The following RGL1 variants were observed in gnomAD, a reference collection of about 807,000 sequenced individuals.
RGL1 encodes ral guanine nucleotide dissociation stimulator like 1.
In RGL1, 24 loss-of-function variants were observed where a neutral mutation model predicts 95.2. The ratio of observed to expected loss-of-function variants is 0.25; its 90% confidence interval spans 0.18 to 0.35. RGL1 has a LOEUF of 0.35. RGL1 is among the 10% of genes least tolerant of loss of function. The pLI is 1.00. For synonymous variants in RGL1, 329 were observed against 344.9 expected, an observed-to-expected ratio of 0.95 and a Z score of 0.51; for missense variants, 715 against 936.3, an observed-to-expected ratio of 0.76 and a Z score of 3.08.
chr1:183,715,448 A>G (rs1655555211), intron 1 of RGL1, among the ~76,000 whole-genome samples: 1 of 152,018 alleles, frequency 6.6e-6, no homozygotes, highest in Non-Finnish European at 1.5e-5. Context: ...GTCTCCCAGG[A>G]TAGTGTGCTA....
At chr1:183,684,422 C>T (rs1438289617) in intron 1 of RGL1, among the ~76,000 whole-genome samples, 1 of 152,064 alleles carries the variant, frequency 6.6e-6, no homozygotes, top group Non-Finnish European at 1.5e-5. Context: ...TAACAGGCCT[C>T]TGTGCTGCCC....
chr1:183,769,008 T>C (rs1285663088), intron 2 of RGL1, among the ~76,000 whole-genome samples: 1 of 152,236 alleles, frequency 6.6e-6, no homozygotes, highest in Non-Finnish European at 1.5e-5. Context: ...CCTAGACATC[T>C]AATGAACATC....
chr1:183,668,663 A>G (rs1309250002), intron 1 of RGL1, among the ~76,000 whole-genome samples: 7 of 151,800 alleles, frequency 4.6e-5, no homozygotes, highest in East Asian at 3.9e-4. Flanking sequence ...ATGCCTAAGC[A>G]TAGTTTTTTT....
At position 183,847,710 on chromosome 1, in the gene RGL1, A is replaced by G; in HGVS notation, c.283A>G (p.Ile95Val). ...FGDNDFTYIS[I>V]FLSTYRGFAS... is the part of the protein sequence containing the mutation. ...GGACAATGACTTTACCTATATCAGC[A>G]TCTTTCTTTCAACGTACAGAGGCTT... Residue 95 changes from isoleucine (I) to valine (V), a missense_variant, in exon 3 of 18, where the codon ATC (isoleucine) becomes GTC (valine). Ile to Val is a conservative substitution (Grantham distance 29, BLOSUM62 3). Transcript: ENST00000360851. 1.9e-6 allele frequency: 3 copies of G among 1,614,130 alleles called. No homozygotes were observed. The highest frequency in any genetic ancestry group is 2.2e-5 in the South Asian group (2 of 91,082).
rs58775038 is a variant in RGL1, at chr1:183,752,706, T to TCTCTCTCTCTCTCTCTCTCTC, written c.132+10417_132+10418insCTCTCTCTCTCTCTCTCTCTC. On this transcript the variant is annotated intron_variant, in intron 2 of 18. Transcript: ENST00000304685. ...TCTCTCTCTCTCTCTCTCTCTCTCTTTCCCCTTTCCTCTCTTTGGCCTTAA... is the reference window on the plus strand; with the variant it reads ...TCTCTCTCTCTCTCTCTCTCTCTCTTCTCTCTCTCTCTCTCTCTCTCTCCCCTTTCCTCTCTTTGGCCTTAA... 2.7e-3 allele frequency among the ~76,000 whole-genome samples: 300 copies of TCTCTCTCTCTCTCTCTCTCTC among 110,142 alleles called. 39 individuals are homozygous for TCTCTCTCTCTCTCTCTCTCTC. Among genetic ancestry groups the TCTCTCTCTCTCTCTCTCTCTC allele is most frequent in the African/African-American group, 9.0e-3 (231 of 25,808 alleles). 72.3% of individuals were successfully genotyped at this position (110,142 alleles called of 152,430 possible).
intron 14 of RGL1, among the ~76,000 whole-genome samples, chr1:183,907,613 G>C (rs865996044): frequency 2.8e-4 from 43 of 152,268 alleles, no homozygotes; most frequent in African/African-American, 9.9e-4. Context: ...TTCATGACTG[G>C]CTCCTTCAAA....
At chr1:183,891,911 TC>T (rs1382023226) in intron 8 of RGL1, among the ~76,000 whole-genome samples, 165 bp from the exon 9 acceptor site, 5 of 151,900 alleles carry the variant, frequency 3.3e-5, no homozygotes. Flanking sequence ...TAAAAAGCCA[TC>T]CCGCATAAAA....
At chr1:183,917,141 A>G (rs776207455) in intron 16 of RGL1, among the ~76,000 whole-genome samples, 9 of 152,148 alleles carry the variant, frequency 5.9e-5, no homozygotes, top group Non-Finnish European at 1.3e-4. Context: ...TACTCCCCTG[A>G]TGGCAGATTT....
chr1:183,878,221 G>A (rs544733545), intron 4 of RGL1, among the ~76,000 whole-genome samples: 7 of 150,512 alleles, frequency 4.7e-5, no homozygotes, highest in African/African-American at 1.7e-4. Flanking sequence ...TTTGGAGATA[G>A]GGTCTCGCTC....
At chr1:183,653,764 A>G (rs1408943439) in intron 1 of RGL1, among the ~76,000 whole-genome samples, 1 of 152,104 alleles carries the variant, frequency 6.6e-6, no homozygotes, top group East Asian at 1.9e-4. Context: ...GACTCTTGCT[A>G]TTGGTATGTA....
At chr1:183,817,960 T>C (rs1490170355) in intron 2 of RGL1, among the ~76,000 whole-genome samples, 1 of 152,218 alleles carries the variant, frequency 6.6e-6, no homozygotes, top group East Asian at 1.9e-4. Flanking sequence ...CGAAAGTTGA[T>C]TAAAGTGTTT....
chr1:183,839,529 G>A (rs1215471269), intron 2 of RGL1, among the ~76,000 whole-genome samples: 1 of 152,018 alleles, frequency 6.6e-6, no homozygotes, highest in Non-Finnish European at 1.5e-5. Context: ...TCCTATTATT[G>A]TACTAGTTAA....
chr1:183,748,394 CTTTTTTTTTTT>C (rs56920504), intron 2 of RGL1, among the ~76,000 whole-genome samples: 2 of 69,718 alleles, frequency 2.9e-5, no homozygotes, highest in African/African-American at 6.6e-5. Flanking sequence ...TTCTCTAGTT[CTTTTTTTTTTT>C]TTTTTTTTTT....
At chr1:183,727,617 G>A (rs1656386064) in intron 1 of RGL1, among the ~76,000 whole-genome samples, 1 of 152,038 alleles carries the variant, frequency 6.6e-6, no homozygotes, top group Non-Finnish European at 1.5e-5. Flanking sequence ...AGACGAGGAA[G>A]AAAAATAAGA....
upstream of RGL1, among the ~76,000 whole-genome samples, chr1:183,804,075 T>C (rs907324274): frequency 6.6e-6 from 1 of 152,188 alleles, no homozygotes; most frequent in Non-Finnish European, 1.5e-5. Flanking sequence ...GCCCTTGCTG[T>C]CATTTATTCT....
chr1:183,698,416 A>G (rs1406030856), intron 1 of RGL1, among the ~76,000 whole-genome samples: 1 of 152,238 alleles, frequency 6.6e-6, no homozygotes, highest in Non-Finnish European at 1.5e-5. Flanking sequence ...GAAACAGGAA[A>G]TGATTTCTGT....
rs749011625 is a variant in RGL1, at chr1:183,888,515, C to T, written c.993C>T (p.Ile331=). 6 of 1,613,204 alleles carry T rather than the reference C, an allele frequency of 3.7e-6. No homozygotes were observed. The South Asian group carries it at 4.4e-5, about 12-fold the overall frequency. ...AGAATTTTTCCTCCTTGAGGGCCAT[C>T]GTTTCGGCACTGCAGTCTAATTCCA... ...LLKNFSSLRA[I]VSALQSNSIY... is the part of the protein sequence containing the mutation. Residue 331 remains isoleucine, a synonymous_variant, in exon 8 of 18, where the codon ATC becomes ATT. Transcript: ENST00000360851.
chr1:183,883,902 A>G lies in RGL1; in HGVS notation c.727A>G (p.Met243Val), dbSNP rs754144884. The change falls in exon 6 of 18, where the codon ATG becomes GTG. Residue 243 changes from methionine to valine, a missense_variant. Around this residue, in one of 3 missense-constraint regions of RGL1, gnomAD observed 381 missense variants for 484.8 expected, o/e 0.79. Transcript: ENST00000360851. ...TCTCGTGGCAGAGCAGCTGACCTACATGGATGCAGTATGTCTTCTCTTTGT... is the reference window on the plus strand; with the variant it reads ...TCTCGTGGCAGAGCAGCTGACCTACGTGGATGCAGTATGTCTTCTCTTTGT... ...EDLVAEQLTY[M>V]DAQLFKKVVP... 6 of 1,613,950 alleles carry G rather than the reference A, an allele frequency of 3.7e-6. No individual in the cohort carries two copies. Among genetic ancestry groups the G allele is most frequent in the Non-Finnish European group, 4.2e-6 (5 of 1,179,834 alleles).
chr1:183,718,263 A>C (rs1445981682), intron 1 of RGL1, among the ~76,000 whole-genome samples: 2 of 150,312 alleles, frequency 1.3e-5, no homozygotes, highest in African/African-American at 4.9e-5. Flanking sequence ...AGAGAGAGAG[A>C]GCTTGTTTAT....
Sources: gnomAD v4.1 joint callset for allele counts (sites outside exome capture counted in the v4.1 genomes callset) on GRCh38, gnomAD v4.1.1 for gene constraint, gnomAD v4.1.1 regional missense constraint, MANE v1.5 for transcripts, NCBI Gene and HGNC (gene_info 2026-07-23, HGNC 2026-07-21) for gene names.